Variants in NOL7 observed in about 807,000 individuals in gnomAD.
NOL7 encodes the protein nucleolar protein 7, also known as U3 small nucleolar RNA-associated protein NOL7.
In NOL7, 36 loss-of-function variants were observed where a neutral mutation model predicts 38.4. The ratio of observed to expected loss-of-function variants is 0.94; its 90% CI spans 0.72 to 1.24. The LOEUF (loss-of-function observed/expected upper bound fraction) is 1.24. Among genes scored for constraint, NOL7 ranks in the 50% most tolerant of loss-of-function variants. The pLI, the probability that NOL7 is intolerant of heterozygous loss-of-function variation, is 0.00. For synonymous variants in NOL7, 142 were observed against 126.5 expected, an observed-to-expected ratio of 1.12 and a Z score of -0.82; for missense variants, 350 against 315.1, an observed-to-expected ratio of 1.11 and a Z score of -0.84.
chr6:13,624,303 G>C (rs114240642), downstream of NOL7, among the ~76,000 whole-genome samples: 437 of 152,278 alleles, frequency 2.9e-3, 2 homozygotes, highest in African/African-American at 0.01. Context: ...CTTGCTGTAA[G>C]AGTCCTGGCC....
chr6:13,617,341 A>T (rs950638082), intron 3 of NOL7, among the ~76,000 whole-genome samples: 6 of 150,830 alleles, frequency 4.0e-5, no homozygotes, highest in African/African-American at 1.2e-4. Context: ...TTCTCTCTCC[A>T]TTGGGCCACA....
In NOL7 at chr6:13,618,045, C is replaced by T; in HGVS notation, c.419-13C>T. On this transcript the variant is annotated splice_polypyrimidine_tract_variant and intron_variant, in intron 4 of 7. Coordinates refer to ENST00000451315, the MANE Select transcript of NOL7 (RefSeq NM_016167.5). ...CGTGAATGCTAATTAGAAAATGTAACTCTATTTTTTAGTTAATTTGCAAAA... is the reference window on the plus strand; with the variant it reads ...CGTGAATGCTAATTAGAAAATGTAATTCTATTTTTTAGTTAATTTGCAAAA... 1 of 1,385,176 alleles carries T rather than the reference C, an allele frequency of 7.2e-7. No individual in the cohort carries two copies. The highest frequency in any genetic ancestry group is 1.0e-6 in the Non-Finnish European group (1 of 982,342). The allele number at this position is 1,385,176 out of a possible 1,614,324, so 85.8% of individuals were successfully genotyped here. A position where few individuals can be genotyped will look rare whatever the true frequency, so the allele number is the denominator to read the frequency against.
chr6:13,622,478 G>A (rs1374510205), downstream of NOL7: 1 of 1,577,008 alleles, frequency 6.3e-7, no homozygotes, highest in Non-Finnish European at 8.6e-7. Context: ...GGTTGCTTTG[G>A]CAGATTGTGG....
intron 8 of NOL7, among the ~76,000 whole-genome samples, chr6:13,630,596 G>C (rs934205647): frequency 6.6e-6 from 1 of 152,020 alleles, no homozygotes; most frequent in Non-Finnish European, 1.5e-5. Flanking sequence ...GGACACCTGG[G>C]TCCAAAAACC....
At chr6:13,617,709 TA>T (rs1764327779) in intron 3 of NOL7, 60 bp from the exon 4 acceptor site, 2 of 1,500,964 alleles carry the variant, frequency 1.3e-6, no homozygotes, top group Admixed American at 3.4e-5. Context: ...TGAAATAATA[TA>T]ACATGTTTTG....
Position 13,620,230 on chromosome 6 carries a change from G to T in NOL7, c.523G>T (p.Val175Leu), listed in dbSNP as rs143778341. Residue 175 changes from valine to leucine, a missense_variant, in exon 6 of 8, where the codon GTA becomes TTA. Physicochemically the swap from Val to Leu is conservative, Grantham distance 32 (BLOSUM62 1). Coordinates refer to ENST00000451315, the MANE Select transcript of NOL7 (RefSeq NM_016167.5). ...CAGCCAGAATAAAAGCTACTTGGCCGTAAGGCTAAAAGACCAAGATCTGAG... is the reference window on the plus strand; with the variant it reads ...CAGCCAGAATAAAAGCTACTTGGCCTTAAGGCTAAAAGACCAAGATCTGAG... ...SVSQNKSYLA[V>L]RLKDQDLRDS... 1.2e-6 allele frequency: 2 copies of T among 1,613,384 alleles called. No individual in the cohort carries two copies. The highest frequency in any genetic ancestry group is 2.2e-5 in the South Asian group (2 of 91,016).
rs1554220134 is a variant in NOL7 at position 13,617,755 on chromosome 6, G to GA, written c.387-15_387-14insA. On this transcript the variant is annotated splice_polypyrimidine_tract_variant and intron_variant, in intron 3 of 7. Transcript: ENST00000451315. ...TACTGCCATTGCAGTCAGTGGTTTT[G>GA]TTTTTTTTCCTTAGCATCAAGAAAT... The GA allele has an allele frequency of 3.1e-6, 5 of 1,610,820 alleles. No individual in the cohort carries two copies. The South Asian group carries it at 5.5e-5, about 18-fold the overall frequency.
At chr6:13,631,349 T>A (rs61525642) in intron 8 of NOL7, among the ~76,000 whole-genome samples, 2 of 152,178 alleles carry the variant, frequency 1.3e-5, no homozygotes, top group Non-Finnish European at 2.9e-5. Flanking sequence ...CAGGCAAGCA[T>A]GTTATGTCCT....
rs1267874191 is a variant in NOL7, at chr6:13,621,471, T to TAATA, written c.*645_*648dup. On this transcript the variant is annotated 3_prime_UTR_variant, in exon 8 of 8. Transcript: ENST00000451315. The stretch of plus-strand genomic sequence containing the variant: ...TAATCATAAAAAGTATGCAAGTACC[T>TAATA]AATATATAAACTCAATTGACACTGT... The TAATA allele has an allele frequency of 6.6e-6, 1 of 152,506 alleles. No homozygotes were observed. Among genetic ancestry groups the TAATA allele is most frequent in the African/African-American group, 2.4e-5 (1 of 41,284 alleles). 9.4% of individuals were successfully genotyped at this position (152,506 alleles called of 1,614,324 possible).
downstream of NOL7, chr6:13,622,504 T>C (rs1233022807): frequency 3.9e-6 from 6 of 1,549,736 alleles, no homozygotes; most frequent in African/African-American, 8.3e-5. Flanking sequence ...TGAGGAAAAA[T>C]AATTTAAAAA....
At chr6:13,617,309 A>G (rs908834700) in intron 3 of NOL7, among the ~76,000 whole-genome samples, 12 of 148,588 alleles carry the variant, frequency 8.1e-5, no homozygotes, top group African/African-American at 2.5e-4. Context: ...ATGCTTCTGT[A>G]TTGTATTCTG....
chr6:13,624,175 G>T (rs1218552668), downstream of NOL7, among the ~76,000 whole-genome samples: 1 of 152,100 alleles, frequency 6.6e-6, no homozygotes, highest in Non-Finnish European at 1.5e-5. Context: ...CAACACTGAG[G>T]ACACTACTCC....
At chr6:13,618,011 T>C (rs1188675320) in intron 4 of NOL7, 47 bp from the exon 5 acceptor site, 2 of 1,175,000 alleles carry the variant, frequency 1.7e-6, no homozygotes, top group African/African-American at 1.5e-5. Context: ...ATTTCCTGAT[T>C]TATTTTTACG....
At chr6:13,616,782 C>T (rs1199668437) in intron 3 of NOL7, among the ~76,000 whole-genome samples, 3 of 152,162 alleles carry the variant, frequency 2.0e-5, no homozygotes, top group Admixed American at 1.3e-4. Context: ...GACTGCCTGT[C>T]ATTGTACTAG....
chr6:13,625,674 C>T, downstream of NOL7: 1 of 1,610,854 alleles, frequency 6.2e-7, no homozygotes, highest in Non-Finnish European at 8.5e-7. Context: ...CTGTTAAGAG[C>T]TGAGCACACA....
intron 8 of NOL7, chr6:13,632,348 T>C (rs757583012): frequency 6.2e-7 from 1 of 1,604,814 alleles, no homozygotes; most frequent in Admixed American, 1.7e-5. Flanking sequence ...ATTCATAATT[T>C]TTCAAGAAAA....
chr6:13,616,199 T>C (rs1764283258), intron 2 of NOL7, among the ~76,000 whole-genome samples: 1 of 152,222 alleles, frequency 6.6e-6, no homozygotes, highest in Non-Finnish European at 1.5e-5. Flanking sequence ...AGGCAGACAT[T>C]ACTTAACTGC....
intron 8 of NOL7, among the ~76,000 whole-genome samples, chr6:13,629,358 AT>A (rs1316352464): frequency 6.6e-6 from 1 of 152,242 alleles, no homozygotes; most frequent in Non-Finnish European, 1.5e-5. Context: ...AGAATACAAA[AT>A]AGTGTCACTA....
chr6:13,621,466 G>GTACC lies in NOL7; in HGVS notation c.*642_*645dup, dbSNP rs2127755900. ...CATAGTAATCATAAAAAGTATGCAA[G>GTACC]TACCTAATATATAAACTCAATTGAC... On this transcript the variant is annotated 3_prime_UTR_variant, in exon 8 of 8. Transcript: ENST00000451315. 1.3e-5 allele frequency: 2 copies of GTACC among 152,546 alleles called. No homozygotes were observed. Among genetic ancestry groups the GTACC allele is most frequent in the Admixed American group, 1.3e-4 (2 of 15,284 alleles). The allele number at this position is 152,546 out of a possible 1,614,324, so 9.4% of individuals were successfully genotyped here. A position where few individuals can be genotyped will look rare whatever the true frequency, so the allele number is the denominator to read the frequency against.
Sources: gnomAD v4.1 joint callset for allele counts (sites outside exome capture counted in the v4.1 genomes callset) on GRCh38, gnomAD v4.1.1 for gene constraint, MANE v1.5 for transcripts, NCBI Gene and HGNC (gene_info 2026-07-23, HGNC 2026-07-21) for gene names.